UNC5A: variants seen among roughly 807,000 people sequenced by gnomAD.
UNC5A encodes the protein unc-5 netrin receptor A, also known as netrin receptor UNC5A.
UNC5A carries 20 observed loss-of-function variants against 87.4 expected under a neutral mutation model. That is an observed-to-expected ratio of 0.23 (90% CI 0.16 to 0.33). The LOEUF is 0.33. Ranked by LOEUF, UNC5A falls within the 10% of genes least tolerant of loss-of-function variation. UNC5A has a pLI of 1.00. For synonymous variants in UNC5A, 438 were observed against 482.3 expected (o/e 0.91, Z 1.20); for missense variants, 844 against 1,133.4 (o/e 0.74, Z 3.67).
chr5:176,854,031 A>C (rs1386519725), intron 1 of UNC5A, among the ~76,000 whole-genome samples: 1 of 152,232 alleles, frequency 6.6e-6, no homozygotes, highest in Admixed American at 6.5e-5. Context: ...CCAGGGAAGC[A>C]GCTGGCAGGC....
In UNC5A at chr5:176,862,716, A is replaced by G. The variant is rs148982495; in HGVS notation, c.163A>G (p.Ile55Val). The change falls in exon 2 of 15, where the codon ATC becomes GTC. Residue 55 changes from isoleucine (I) to valine (V), a missense_variant. Ile to Val is a conservative substitution (Grantham distance 29). Around this residue, in one of 3 missense-constraint regions of UNC5A, gnomAD observed 314 missense variants for 466.5 expected, o/e 0.67. Transcript: ENST00000329542. Reference protein sequence around the residue: ...HFLVEPEDVYIVKNKPVLLVC... With the variant: ...HFLVEPEDVYVVKNKPVLLVC... ...CCTGGTGGAGCCCGAGGATGTGTAC[A>G]TCGTCAAGAACAAGCCAGTGCTGCT... The G allele has an allele frequency of 2.9e-5, 46 of 1,613,524 alleles. No homozygotes were observed. In the African/African-American group the frequency reaches 5.3e-4, roughly 19 times the overall value.
At position 176,862,526 on chromosome 5, in the gene UNC5A, C is replaced by T. The variant is rs990871610; in HGVS notation, c.71-98C>T. 1.6e-5 allele frequency: 18 copies of T among 1,133,730 alleles called. 1 individual carries two copies. In the African/African-American group the frequency reaches 1.8e-4, roughly 12 times the overall value. The allele number at this position is 1,133,730 out of a possible 1,614,324, so 70.2% of individuals were successfully genotyped here. A position where few individuals can be genotyped will look rare whatever the true frequency, so the allele number is the denominator to read the frequency against. On this transcript the variant is annotated intron_variant, in intron 1 of 14. Transcript: ENST00000329542. ...GCAGAGCCTGGACTCACTCTCCTCC[C>T]ATCTGCCCCAACCCACGGTGGAATC... is the stretch of plus-strand genomic sequence containing the variant.
At position 176,865,766 on chromosome 5, in the gene UNC5A, T is replaced by C. The variant is rs772612176; in HGVS notation, c.293-2364T>C. On this transcript the variant is annotated intron_variant, in intron 2 of 14. Transcript: ENST00000329542. This position sits in a 1 kb window ranked among gnomAD's most constrained non-coding sequence, Gnocchi z 5.3. The stretch of plus-strand genomic sequence containing the variant: ...CCCACCCAGCTCTGCAGCCCACTCA[T>C]TCATGTGTGGGGCTGGAGGTGGCCG... 3.6e-5 allele frequency: 16 copies of C among 440,280 alleles called. No individual in the cohort carries two copies. Among genetic ancestry groups the C allele is most frequent in the South Asian group, 2.5e-4 (16 of 62,920 alleles). 27.3% of individuals were successfully genotyped at this position (440,280 alleles called of 1,614,324 possible).
At chr5:176,823,665 G>A (rs1465373831) in intron 1 of UNC5A, among the ~76,000 whole-genome samples, 1 of 151,976 alleles carries the variant, frequency 6.6e-6, no homozygotes, top group Non-Finnish European at 1.5e-5. Flanking sequence ...TGGGCACGAT[G>A]AGAGCCTCCA....
At chr5:176,820,564 C>T (rs189478979) in intron 1 of UNC5A, among the ~76,000 whole-genome samples, 273 of 152,320 alleles carry the variant, frequency 1.8e-3, no homozygotes, top group Non-Finnish European at 3.3e-3. Context: ...TGTTTCTAGT[C>T]CATCCTTAAT....
intron 8 of UNC5A, among the ~76,000 whole-genome samples, chr5:176,876,604 G>A (rs577256034): frequency 7.9e-5 from 12 of 152,358 alleles, no homozygotes; most frequent in Middle Eastern, 3.4e-3. Context: ...CAAGCCAGCC[G>A]ACGGGAGGGC....
chr5:176,825,108 A>T (rs1180506662), intron 1 of UNC5A, among the ~76,000 whole-genome samples: 1 of 152,176 alleles, frequency 6.6e-6, no homozygotes, highest in Non-Finnish European at 1.5e-5. Context: ...TCTAAAAGAT[A>T]ATTGGAAACT....
chr5:176,814,803 T>C (rs944693372), intron 1 of UNC5A, among the ~76,000 whole-genome samples: 3 of 152,200 alleles, frequency 2.0e-5, no homozygotes, highest in African/African-American at 7.2e-5. Flanking sequence ...GTGCTGTTTT[T>C]CTTCATTTCT....
intron 1 of UNC5A, among the ~76,000 whole-genome samples, chr5:176,827,274 C>T (rs1168112463): frequency 6.6e-6 from 1 of 151,122 alleles, no homozygotes; most frequent in Non-Finnish European, 1.5e-5. Flanking sequence ...CCTCCGCCTC[C>T]CAGGTTCAAG....
intron 1 of UNC5A, among the ~76,000 whole-genome samples, chr5:176,831,093 G>A (rs922299437): frequency 3.3e-5 from 5 of 151,670 alleles, no homozygotes; most frequent in Non-Finnish European, 7.4e-5. Context: ...CCCCACCTCC[G>A]TGCCTCGGGT....
intron 1 of UNC5A, among the ~76,000 whole-genome samples, chr5:176,851,055 T>C (rs1757530005): frequency 6.6e-6 from 1 of 152,040 alleles, no homozygotes; most frequent in Non-Finnish European, 1.5e-5. Context: ...TGGGCTGTGT[T>C]GGCCGGTGCC....
intron 1 of UNC5A, among the ~76,000 whole-genome samples, chr5:176,837,713 G>C (rs909336382): frequency 6.6e-6 from 1 of 152,178 alleles, no homozygotes; most frequent in Non-Finnish European, 1.5e-5. Flanking sequence ...GATGGGCTGT[G>C]TAGCTAGCTG....
intron 1 of UNC5A, among the ~76,000 whole-genome samples, chr5:176,856,166 A>G (rs1167906519): frequency 6.6e-6 from 1 of 151,740 alleles, no homozygotes; most frequent in Non-Finnish European, 1.5e-5. Context: ...CACACCTCAT[A>G]TTTTCTGGTG....
Position 176,878,600 on chromosome 5 carries a change from C to T in UNC5A, c.2145C>T (p.Gly715=), listed in dbSNP as rs752481844. 12 of 1,612,496 alleles carry T rather than the reference C, an allele frequency of 7.4e-6. No individual in the cohort carries two copies. The highest frequency in any genetic ancestry group is 4.5e-5 in the East Asian group (2 of 44,882). The part of the protein sequence containing the change: ...ACKLWVWQVE[G]DGQSFSINFN... ...AGCTGTGGGTGTGGCAGGTGGAGGG[C>T]GACGGGCAGAGCTTCAGCATCAACT... The change falls in exon 13 of 15, where the codon GGC becomes GGT. Residue 715 remains glycine (G), a synonymous_variant. Transcript: ENST00000329542.
chr5:176,824,162 G>A lies in UNC5A; in HGVS notation c.70+13342G>A, dbSNP rs1756796074. 6.6e-6 allele frequency among the ~76,000 whole-genome samples: 1 copy of A among 152,234 alleles called. No individual in the cohort carries two copies. Among genetic ancestry groups the A allele is most frequent in the African/African-American group, 2.4e-5 (1 of 41,458 alleles). On this transcript the variant is annotated intron_variant, in intron 1 of 14. Coordinates refer to ENST00000329542, the MANE Select transcript of UNC5A (RefSeq NM_133369.3). The surrounding 1 kb of genome is among the most constrained non-coding windows in gnomAD (Gnocchi z 4.2). ...TGCGGCCCCGATGCCTCCCGGGTTG[G>A]AGGCAGCAATGATGCAGGTTCCGAC...
In UNC5A at chr5:176,841,125, G is replaced by C. The variant is rs1435486585; in HGVS notation, c.71-21499G>C. ...GTCAGAAACTGTTCTCATCTCTTCA[G>C]CTAAACTTGTAAGGTCAGGGGGTCA... On this transcript the variant is annotated intron_variant, in intron 1 of 14. Coordinates refer to ENST00000329542, the MANE Select transcript of UNC5A (RefSeq NM_133369.3). The surrounding 1 kb of genome is among the most constrained non-coding windows in gnomAD (Gnocchi z 4.1). Among the ~76,000 whole-genome samples the C allele has an allele frequency of 2.0e-5, 3 of 152,246 alleles. No homozygotes were observed. Among genetic ancestry groups the C allele is most frequent in the Non-Finnish European group, 2.9e-5 (2 of 68,046 alleles).
chr5:176,817,700 A>C (rs918677076), intron 1 of UNC5A, among the ~76,000 whole-genome samples: 2 of 151,616 alleles, frequency 1.3e-5, no homozygotes, highest in Non-Finnish European at 2.9e-5. Flanking sequence ...GAGGGCCCTT[A>C]GGCCGGCGGA....
intron 1 of UNC5A, among the ~76,000 whole-genome samples, chr5:176,817,910 G>A (rs1484766499): frequency 3.9e-5 from 6 of 152,008 alleles, no homozygotes; most frequent in Non-Finnish European, 8.8e-5. Context: ...CGGCGGCCAA[G>A]CCGGGAAGGG....
rs1757460765 is a variant in UNC5A at position 176,848,227 on chromosome 5, C to T, written c.71-14397C>T. On this transcript the variant is annotated intron_variant, in intron 1 of 14. Coordinates refer to ENST00000329542, the MANE Select transcript of UNC5A (RefSeq NM_133369.3). This position sits in a 1 kb window ranked among gnomAD's most constrained non-coding sequence, Gnocchi z 5.8. ...CCGCCCCTCAGCCTGGTGTGACATC[C>T]TTTAGGGACCCTTGGGGAGGGGGTA... is the stretch of plus-strand genomic sequence containing the variant. Among the ~76,000 whole-genome samples, 1 of 152,090 alleles carries T rather than the reference C, an allele frequency of 6.6e-6. No individual in the cohort carries two copies. Among genetic ancestry groups the T allele is most frequent in the Non-Finnish European group, 1.5e-5 (1 of 67,998 alleles).
Sources: allele counts gnomAD v4.1 joint callset (sites outside exome capture counted in the v4.1 genomes callset), GRCh38; gene constraint gnomAD v4.1.1; regional missense constraint gnomAD v4.1.1; non-coding constraint Gnocchi (gnomAD v3.1); transcripts MANE v1.5; gene names NCBI Gene and HGNC (gene_info 2026-07-23, HGNC 2026-07-21).